NRG3: variants seen among roughly 807,000 people sequenced by gnomAD.
NRG3 encodes neuregulin 3.
A neutral mutation model predicts 66.9 loss-of-function variants in NRG3; 31 were observed. That is an observed-to-expected ratio of 0.46 (90% CI 0.35 to 0.63). The LOEUF is 0.63. NRG3 is among the 20% of genes least tolerant of loss of function. The pLI, the probability that NRG3 is intolerant of heterozygous loss-of-function variation, is 0.00. For synonymous variants in NRG3, 393 were observed against 359.4 expected (o/e 1.09, Z -1.06); for missense variants, 910 against 878.9 (o/e 1.04, Z -0.45).
At chr10:82,394,344 G>A (rs1564873553) in intron 2 of NRG3, among the ~76,000 whole-genome samples, 1 of 152,206 alleles carries the variant, frequency 6.6e-6, no homozygotes, top group Non-Finnish European at 1.5e-5. Flanking sequence ...TAGGCAGGCT[G>A]CCAAAGCAAA....
Position 82,123,583 on chromosome 10 carries a change from A to G in NRG3, c.824-235156A>G, listed in dbSNP as rs546707828. ...CTCCAACACCTCCTTCTGTGTTCCT[A>G]GTGTTTGCCCTCAAACAGTCTCCCT... is the stretch of plus-strand genomic sequence containing the variant. On this transcript the variant is annotated intron_variant, in intron 1 of 8. Transcript: ENST00000372141. Among the ~76,000 whole-genome samples, 8 of 152,274 alleles carry G rather than the reference A, an allele frequency of 5.3e-5. No homozygotes were observed. In the South Asian group the frequency reaches 1.7e-3, roughly 32 times the overall value.
chr10:82,716,333 C>T (rs1453109193), intron 2 of NRG3, among the ~76,000 whole-genome samples: 7 of 152,076 alleles, frequency 4.6e-5, no homozygotes, highest in South Asian at 2.1e-4. Flanking sequence ...GACACTTCCC[C>T]GTGAACCTAG....
chr10:82,429,565 T>C (rs917134231), intron 2 of NRG3, among the ~76,000 whole-genome samples: 2 of 152,152 alleles, frequency 1.3e-5, no homozygotes, highest in African/African-American at 4.8e-5. Context: ...GTCTTTGACC[T>C]TTGACAGTTT....
intron 1 of NRG3, among the ~76,000 whole-genome samples, chr10:81,881,534 G>A (rs1842181195): frequency 6.6e-6 from 1 of 151,966 alleles, no homozygotes; most frequent in Non-Finnish European, 1.5e-5. Context: ...TTGAGCAATT[G>A]AACATAAGCT....
chr10:81,955,151 A>G (rs746502538), intron 1 of NRG3, among the ~76,000 whole-genome samples: 21 of 148,196 alleles, frequency 1.4e-4, no homozygotes, highest in Non-Finnish European at 2.8e-4. Context: ...TATGTTATAT[A>G]GAATATATAA....
intron 1 of NRG3, among the ~76,000 whole-genome samples, chr10:82,279,482 T>A (rs891701564): frequency 1.3e-5 from 2 of 152,216 alleles, no homozygotes; most frequent in Non-Finnish European, 2.9e-5. Flanking sequence ...ATAACATCAA[T>A]AAACACTTCA....
At chr10:82,190,302 A>C (rs1487678836) in intron 1 of NRG3, among the ~76,000 whole-genome samples, 1 of 152,210 alleles carries the variant, frequency 6.6e-6, no homozygotes, top group Admixed American at 6.5e-5. Flanking sequence ...GCAGGAAAAA[A>C]AAAATTCAAA....
rs185427216 is a variant in NRG3 at position 82,257,100 on chromosome 10, T to C, written c.824-101639T>C. 4.0e-4 allele frequency among the ~76,000 whole-genome samples: 61 copies of C among 152,306 alleles called. 1 individual carries two copies. The East Asian group carries it at 0.011, about 27-fold the overall frequency. On this transcript the variant is annotated intron_variant, in intron 1 of 8. Transcript: ENST00000372141. ...CTGATTGCAAGATAGTCTTAAATTC[T>C]CAAAAGGAGCTAGAACCCTGGAATG...
At chr10:82,626,027 T>C (rs2049394750) in intron 2 of NRG3, among the ~76,000 whole-genome samples, 1 of 152,160 alleles carries the variant, frequency 6.6e-6, no homozygotes, top group African/African-American at 2.4e-5. Flanking sequence ...TCAAGGCATC[T>C]TGGTAATAGA....
At chr10:82,674,215 A>G (rs949901420) in intron 2 of NRG3, among the ~76,000 whole-genome samples, 6 of 152,218 alleles carry the variant, frequency 3.9e-5, no homozygotes, top group African/African-American at 1.4e-4. Context: ...TAAAGAGACA[A>G]GAGAACTCAA....
At chr10:82,860,605 G>T (rs914897785) in intron 3 of NRG3, among the ~76,000 whole-genome samples, 2 of 152,140 alleles carry the variant, frequency 1.3e-5, no homozygotes, top group Admixed American at 1.3e-4. Context: ...AATATTTAAA[G>T]CAGTTCCTGG....
intron 2 of NRG3, among the ~76,000 whole-genome samples, chr10:82,653,299 T>C (rs1343570100): frequency 1.3e-5 from 2 of 151,702 alleles, no homozygotes; most frequent in Non-Finnish European, 2.9e-5. Context: ...GTGAAGTGAG[T>C]AGGTGATAAA....
intron 3 of NRG3, among the ~76,000 whole-genome samples, chr10:82,784,798 G>C (rs1423203466): frequency 6.6e-6 from 1 of 151,958 alleles, no homozygotes; most frequent in Non-Finnish European, 1.5e-5. Context: ...TCAGTGTGGC[G>C]ATTCCTCAGG....
intron 3 of NRG3, among the ~76,000 whole-genome samples, chr10:82,835,152 A>C (rs986548476): frequency 4.6e-5 from 7 of 152,166 alleles, no homozygotes; most frequent in African/African-American, 1.7e-4. Context: ...CATTTTATAC[A>C]GGCTCTTATA....
At chr10:82,427,783 G>A (rs1317621192) in intron 2 of NRG3, among the ~76,000 whole-genome samples, 1 of 151,946 alleles carries the variant, frequency 6.6e-6, no homozygotes, top group Non-Finnish European at 1.5e-5. Flanking sequence ...CAAAGGACTG[G>A]TATTAATTCA....
At chr10:82,959,642 A>G (rs1850414729) in intron 6 of NRG3, among the ~76,000 whole-genome samples, 2 of 152,182 alleles carry the variant, frequency 1.3e-5, no homozygotes, top group Admixed American at 1.3e-4. Context: ...AAGCCAGAAC[A>G]TGCAGGAAGA....
intron 2 of NRG3, among the ~76,000 whole-genome samples, chr10:82,609,599 A>C (rs1169137212): frequency 6.6e-6 from 1 of 152,084 alleles, no homozygotes; most frequent in Non-Finnish European, 1.5e-5. Flanking sequence ...CAAAAAAAAA[A>C]AAGAGAGAGA....
chr10:82,720,805 T>TTATATATATATATATATA (rs1363560030), intron 2 of NRG3, among the ~76,000 whole-genome samples: 39 of 63,464 alleles, frequency 6.1e-4, no homozygotes, highest in African/African-American at 2.8e-3. Flanking sequence ...TAGGAGTATT[T>TTATATATATATATATATA]TATACATATA....
chr10:82,036,645 A>G (rs1449761617), intron 1 of NRG3, among the ~76,000 whole-genome samples: 3 of 152,174 alleles, frequency 2.0e-5, no homozygotes, highest in South Asian at 2.1e-4. Context: ...AAGAAATTTT[A>G]TAAGTGTATA....
Sources: allele counts gnomAD v4.1 joint callset (sites outside exome capture counted in the v4.1 genomes callset), GRCh38; gene constraint gnomAD v4.1.1; transcripts MANE v1.5; gene names NCBI Gene and HGNC (gene_info 2026-07-23, HGNC 2026-07-21).